NCOA7: variants seen among roughly 807,000 people sequenced by gnomAD.
NCOA7 encodes the protein nuclear receptor coactivator 7.
A neutral mutation model predicts 104.3 loss-of-function variants in NCOA7; 45 were observed. The ratio of observed to expected loss-of-function variants is 0.43; its 90% CI spans 0.34 to 0.55. NCOA7 has a LOEUF of 0.55. Ranked by LOEUF, NCOA7 falls within the 20% of genes least tolerant of loss-of-function variation. NCOA7 has a pLI of 0.02. For missense variants in NCOA7, 1,041 were observed against 1,119.7 expected (o/e 0.93, Z 1.00); for synonymous variants, 398 against 402.3 (o/e 0.99, Z 0.13).
At chr6:125,795,739 C>T (rs1775257402) in intron 1 of NCOA7, among the ~76,000 whole-genome samples, 2 of 152,146 alleles carry the variant, frequency 1.3e-5, no homozygotes, top group Non-Finnish European at 2.9e-5. Context: ...CACATCTTAC[C>T]CTGGTCTCTT....
In NCOA7 at chr6:125,897,762, C is replaced by T. The variant is rs544577709; in HGVS notation, c.2096+6952C>T. ...TGGCATGATCTCGGCTCACTGCAGC[C>T]TCCGTCTCCTGGCTTCAAGCAATTC... On this transcript the variant is annotated intron_variant, in intron 10 of 15. Coordinates refer to ENST00000392477, the MANE Select transcript of NCOA7 (RefSeq NM_181782.5). 2.2e-4 allele frequency among the ~76,000 whole-genome samples: 34 copies of T among 152,266 alleles called. No individual in the cohort carries two copies. The South Asian group carries it at 7.0e-3, about 32-fold the overall frequency.
chr6:125,842,743 A>G (rs1780285030), intron 2 of NCOA7, among the ~76,000 whole-genome samples: 1 of 152,150 alleles, frequency 6.6e-6, no homozygotes, highest in South Asian at 2.1e-4. Context: ...TTTCCTTCTA[A>G]TACTCCCACT....
intron 2 of NCOA7, among the ~76,000 whole-genome samples, chr6:125,828,746 T>C (rs931007258): frequency 6.6e-6 from 1 of 152,196 alleles, no homozygotes; most frequent in Non-Finnish European, 1.5e-5. Context: ...CTAGGACCTG[T>C]AATGTGTTTT....
At chr6:125,850,541 C>A (rs966082064) in intron 2 of NCOA7, among the ~76,000 whole-genome samples, 1 of 152,082 alleles carries the variant, frequency 6.6e-6, no homozygotes, top group African/African-American at 2.4e-5. Context: ...AATGAGATGT[C>A]CCCAAACAGT....
upstream of NCOA7, among the ~76,000 whole-genome samples, chr6:125,789,012 C>T (rs1562748356): frequency 6.6e-6 from 1 of 152,062 alleles, no homozygotes; most frequent in African/African-American, 2.4e-5. Context: ...ACAGGGAAAA[C>T]TTGTAAGTCA....
At chr6:125,838,442 G>C (rs1779818191) in intron 2 of NCOA7, among the ~76,000 whole-genome samples, 3 of 152,150 alleles carry the variant, frequency 2.0e-5, no homozygotes, top group Admixed American at 6.6e-5. Context: ...ATCTTTCCTA[G>C]ATCAGGACAA....
rs746071654 is a variant in NCOA7, at chr6:125,854,991, G to GT, written c.51-23dup. 4.7e-6 allele frequency: 7 copies of GT among 1,489,858 alleles called. No homozygotes were observed. In the South Asian group the frequency reaches 8.5e-5, roughly 18 times the overall value. The allele number at this position is 1,489,858 out of a possible 1,614,324, so 92.3% of individuals were successfully genotyped here. On this transcript the variant is annotated intron_variant, in intron 2 of 15. Coordinates refer to ENST00000392477, the MANE Select transcript of NCOA7 (RefSeq NM_181782.5). ...TCTACCAGCAAATCATCTCTCCAAT[G>GT]TTTTTTCTTTTTTTTCCCTCTTTCC...
At chr6:125,844,366 T>G (rs1254791821) in intron 2 of NCOA7, among the ~76,000 whole-genome samples, 1 of 152,178 alleles carries the variant, frequency 6.6e-6, no homozygotes, top group Non-Finnish European at 1.5e-5. Flanking sequence ...AATCTCATTA[T>G]CACGATTAGA....
intron 2 of NCOA7, among the ~76,000 whole-genome samples, chr6:125,841,792 A>G (rs575746131): frequency 2.0e-5 from 3 of 152,278 alleles, no homozygotes; most frequent in East Asian, 3.9e-4. Flanking sequence ...GCATGTAGCA[A>G]TTGGAAAAAA....
At chr6:125,888,851 T>C (rs889847720) in intron 8 of NCOA7, 88 bp from the exon 9 acceptor site, 11 of 955,832 alleles carry the variant, frequency 1.2e-5, no homozygotes, top group Non-Finnish European at 1.7e-5. Context: ...TTTGGTTGAG[T>C]TTCTGTTTTG....
At chr6:125,830,733 A>ATGTGTGTGTGTGTG (rs1491378471) in intron 2 of NCOA7, among the ~76,000 whole-genome samples, 5 of 111,848 alleles carry the variant, frequency 4.5e-5, no homozygotes, top group South Asian at 3.2e-4. Flanking sequence ...ATATATATAT[A>ATGTGTGTGTGTGTG]TATATGTGTG....
At chr6:125,799,628 G>C (rs1467673799) in intron 1 of NCOA7, among the ~76,000 whole-genome samples, 1 of 152,032 alleles carries the variant, frequency 6.6e-6, no homozygotes, top group African/African-American at 2.4e-5. Context: ...TTTTAGTAGA[G>C]ACGGGGTTTC....
At chr6:125,910,361 A>G (rs1053460058) in intron 10 of NCOA7, among the ~76,000 whole-genome samples, 8 of 152,364 alleles carry the variant, frequency 5.3e-5, no homozygotes, top group Admixed American at 3.3e-4. Context: ...GGCTATGCAC[A>G]TAATATATAT....
intron 2 of NCOA7, among the ~76,000 whole-genome samples, chr6:125,851,054 T>C (rs945472325): frequency 2.0e-5 from 3 of 152,290 alleles, no homozygotes; most frequent in South Asian, 2.1e-4. Flanking sequence ...TTAATGAAAA[T>C]AATTCCTTTT....
rs1333783578 is a variant in NCOA7, at chr6:125,889,809, G to C, written c.1755G>C (p.Lys585Asn). 1 of 1,612,702 alleles carries C rather than the reference G, an allele frequency of 6.2e-7. No homozygotes were observed. ...AGCCAGATAAGACCTGGGTGAAAAA[G>C]GGAGAGCCCCTCCCGGTAAAACTGA... is the stretch of plus-strand genomic sequence containing the variant. Reference protein sequence around the residue: ...NKEPDKTWVKKGEPLPVKLNS... With the variant: ...NKEPDKTWVKNGEPLPVKLNS... The change falls in exon 9 of 16, where the codon AAG becomes AAC. Residue 585 changes from lysine to asparagine, a missense_variant. Around this residue, in one of 2 missense-constraint regions of NCOA7, gnomAD observed 914 missense variants for 942.7 expected, o/e 0.97. Transcript: ENST00000392477.
intron 13 of NCOA7, among the ~76,000 whole-genome samples, chr6:125,924,275 G>A (rs1208962580): frequency 6.6e-6 from 1 of 152,210 alleles, no homozygotes; most frequent in East Asian, 1.9e-4. Flanking sequence ...CACAGAACAG[G>A]TATTGATGAA....
Position 125,878,363 on chromosome 6 carries a change from C to G in NCOA7, c.452C>G (p.Pro151Arg). 6.2e-7 allele frequency: 1 copy of G among 1,604,536 alleles called. No individual in the cohort carries two copies. Among genetic ancestry groups the G allele is most frequent in the South Asian group, 1.1e-5 (1 of 89,286 alleles). ...LNKLFTHTIV[P>R]GQVLFVPDAN... is the part of the protein sequence containing the mutation. ...AAACTTTTCACACATACTATTGTTC[C>G]AGGCCAGGTAATTATACTCTTACTG... The change falls in exon 5 of 16, where the codon CCA becomes CGA. Residue 151 changes from proline (P) to arginine (R), a missense_variant. Coordinates refer to ENST00000392477, the MANE Select transcript of NCOA7 (RefSeq NM_181782.5).
chr6:125,850,562 A>G (rs985206056), intron 2 of NCOA7, among the ~76,000 whole-genome samples: 1 of 152,208 alleles, frequency 6.6e-6, no homozygotes, highest in African/African-American at 2.4e-5. Flanking sequence ...GCTGCCGTTC[A>G]TCAAAGCACA....
At chr6:125,888,791 T>G in intron 8 of NCOA7, 148 bp from the exon 9 acceptor site, 1 of 515,856 alleles carries the variant, frequency 1.9e-6, no homozygotes. Context: ...TTTTTTATTC[T>G]GAAATCATTT....
Sources: gnomAD v4.1 joint callset for allele counts (sites outside exome capture counted in the v4.1 genomes callset) on GRCh38, gnomAD v4.1.1 for gene constraint, gnomAD v4.1.1 regional missense constraint, MANE v1.5 for transcripts, NCBI Gene and HGNC (gene_info 2026-07-23, HGNC 2026-07-21) for gene names.